Variants in ACTR3C observed in about 807,000 individuals in gnomAD.
ACTR3C encodes the protein actin-related protein 3C.
ACTR3C carries 18 observed loss-of-function variants against 26.3 expected under a neutral mutation model. That is an observed-to-expected ratio of 0.68 (90% confidence interval 0.47 to 1.01). The LOEUF is 1.01. Among genes scored for constraint, ACTR3C ranks in the 50% least tolerant of loss-of-function variants. ACTR3C has a pLI of 0.00. For missense variants in ACTR3C, 184 were observed against 250.7 expected (o/e 0.73, Z 1.80); for synonymous variants, 55 against 94.5 (o/e 0.58, Z 2.42).
chr7:149,899,940 A>G, the ACTR3C span, among the ~76,000 whole-genome samples: 1 of 134,948 alleles, frequency 7.4e-6, no homozygotes, highest in South Asian at 2.8e-4. Flanking sequence ...GACATTTCTC[A>G]TCAGAAATCT....
chr7:150,250,115 T>C (rs1360702054), intron 6 of ACTR3C, among the ~76,000 whole-genome samples: 3 of 151,916 alleles, frequency 2.0e-5, no homozygotes, highest in East Asian at 1.9e-4. Context: ...GTTGGTTACA[T>C]TGAGGCCACT....
chr7:150,234,850 C>T, the ACTR3C span, among the ~76,000 whole-genome samples: 9,066 of 152,206 alleles, frequency 0.06, 491 homozygotes, highest in African/African-American at 0.14. Context: ...TCTTAATGTA[C>T]CTTTTTTTGA....
chr7:150,011,687 T>C, the ACTR3C span, among the ~76,000 whole-genome samples: 2 of 152,234 alleles, frequency 1.3e-5, no homozygotes, highest in Admixed American at 1.3e-4. Context: ...CAGTTTTTTA[T>C]GACATAATTT....
the ACTR3C span, among the ~76,000 whole-genome samples, chr7:149,985,982 C>T: frequency 6.6e-6 from 1 of 152,038 alleles, no homozygotes; most frequent in African/African-American, 2.4e-5. Flanking sequence ...AAGCCTTCAG[C>T]CCACATTAAC....
intron 6 of ACTR3C, chr7:150,264,817 G>A (rs1293622237): frequency 1.0e-6 from 1 of 976,944 alleles, no homozygotes; most frequent in Non-Finnish European, 1.2e-6. Flanking sequence ...ATTTACTTCT[G>A]GCCTAGAAGT....
the ACTR3C span, among the ~76,000 whole-genome samples, chr7:149,912,010 GA>G: frequency 0.012 from 1,504 of 128,322 alleles, 10 homozygotes; most frequent in African/African-American, 0.036. Flanking sequence ...ACCCTGTCTC[GA>G]AAAAAAAAAA....
At chr7:150,175,365 T>G in the ACTR3C span, among the ~76,000 whole-genome samples, 1 of 142,394 alleles carries the variant, frequency 7.0e-6, no homozygotes. Flanking sequence ...TAAAATCACT[T>G]GGTACAAATA....
chr7:150,202,019 C>T, the ACTR3C span, among the ~76,000 whole-genome samples: 2 of 152,146 alleles, frequency 1.3e-5, no homozygotes, highest in African/African-American at 2.4e-5. Flanking sequence ...TTTTCACCCC[C>T]GACCTCCTTC....
chr7:149,902,503 C>G, the ACTR3C span, among the ~76,000 whole-genome samples: 1 of 147,556 alleles, frequency 6.8e-6, no homozygotes, highest in South Asian at 2.3e-4. Context: ...TTCCTGTAAT[C>G]CCAGTGCTCT....
the ACTR3C span, among the ~76,000 whole-genome samples, chr7:150,078,780 A>G: frequency 6.6e-6 from 1 of 152,338 alleles, no homozygotes; most frequent in Admixed American, 6.5e-5. Context: ...GTAGATGAAG[A>G]AGATCCATTC....
the ACTR3C span, among the ~76,000 whole-genome samples, chr7:150,234,072 A>T: frequency 6.6e-6 from 1 of 152,054 alleles, no homozygotes; most frequent in Admixed American, 6.6e-5. Flanking sequence ...TCCACTCTTG[A>T]CTTTGGGCAT....
chr7:150,082,500 C>G, the ACTR3C span, among the ~76,000 whole-genome samples: 1 of 152,186 alleles, frequency 6.6e-6, no homozygotes, highest in Non-Finnish European at 1.5e-5. Flanking sequence ...TTCAGGTCAT[C>G]TACAGCAGGA....
At chr7:150,312,982 A>G (rs1796458985) in intron 1 of ACTR3C, among the ~76,000 whole-genome samples, 1 of 152,138 alleles carries the variant, frequency 6.6e-6, no homozygotes, top group South Asian at 2.1e-4. Context: ...ATGACATTCC[A>G]CCATTATGAC....
chr7:150,164,928 T>C, the ACTR3C span, among the ~76,000 whole-genome samples: 1 of 152,194 alleles, frequency 6.6e-6, no homozygotes, highest in African/African-American at 2.4e-5. Flanking sequence ...GTTTTGGAAT[T>C]GAGCTATTAT....
the ACTR3C span, among the ~76,000 whole-genome samples, chr7:150,172,032 G>C: frequency 6.6e-6 from 1 of 150,608 alleles, no homozygotes; most frequent in African/African-American, 2.5e-5. Flanking sequence ...GGATGGTCTC[G>C]ATCTCCTGAC....
chr7:149,915,341 A>C, the ACTR3C span, among the ~76,000 whole-genome samples: 1 of 152,150 alleles, frequency 6.6e-6, no homozygotes, highest in African/African-American at 2.4e-5. Flanking sequence ...GGATGAAAAC[A>C]TCCCACTCAG....
chr7:149,964,269 T>C, the ACTR3C span, among the ~76,000 whole-genome samples: 1 of 152,216 alleles, frequency 6.6e-6, no homozygotes, highest in East Asian at 1.9e-4. Flanking sequence ...AATAGGGATG[T>C]TATCCTTTAG....
the ACTR3C span, among the ~76,000 whole-genome samples, chr7:150,108,576 C>A: frequency 6.7e-6 from 1 of 148,556 alleles, no homozygotes; most frequent in Non-Finnish European, 1.5e-5. Context: ...GGGGTGGGGC[C>A]TTTTGGGAGG....
At chr7:150,187,462 G>T in the ACTR3C span, among the ~76,000 whole-genome samples, 3 of 148,850 alleles carry the variant, frequency 2.0e-5, no homozygotes, top group African/African-American at 2.5e-5. Flanking sequence ...TGCTCCAACA[G>T]TACTAACTAA....
Sources: gnomAD v4.1 joint callset for allele counts (sites outside exome capture counted in the v4.1 genomes callset) on GRCh38, gnomAD v4.1.1 for gene constraint, MANE v1.5 for transcripts, NCBI Gene and HGNC (gene_info 2026-07-23, HGNC 2026-07-21) for gene names.